Variants in SMG1 observed in about 807,000 individuals in gnomAD.
SMG1 encodes the protein SMG1 nonsense mediated mRNA decay associated PI3K related kinase, also known as serine/threonine-protein kinase SMG1.
A neutral mutation model predicts 419.9 loss-of-function variants in SMG1; 22 were observed. The ratio of observed to expected loss-of-function variants is 0.05; its 90% CI spans 0.04 to 0.07. SMG1 has a LOEUF of 0.07. SMG1 is among the 10% of genes least tolerant of loss of function. The pLI is 1.00. For synonymous variants in SMG1, 1,538 were observed against 1,553.5 expected (o/e 0.99, Z 0.23); for missense variants, 3,185 against 4,342.0 (o/e 0.73, Z 7.49).
chr16:18,869,773 T>C (rs1319770114), intron 19 of SMG1, 81 bp downstream of exon 19: 29 of 1,220,522 alleles, frequency 2.4e-5, no homozygotes, highest in Non-Finnish European at 3.2e-5. Flanking sequence ...CCAAACATAT[T>C]TTCTCTTCAA....
At chr16:18,867,839 G>A (rs1006223092) in intron 22 of SMG1, among the ~76,000 whole-genome samples, 2 of 150,978 alleles carry the variant, frequency 1.3e-5, no homozygotes, top group African/African-American at 4.9e-5. Context: ...CTCCCGAGTA[G>A]CTGGGACTAC....
At chr16:18,906,200 C>G (rs1250905396) in intron 1 of SMG1, among the ~76,000 whole-genome samples, 1 of 152,052 alleles carries the variant, frequency 6.6e-6, no homozygotes, top group African/African-American at 2.4e-5. Context: ...AAAAAAGGTA[C>G]CAGCTGCGCA....
At chr16:18,810,147 A>G (rs2031246051) in intron 62 of SMG1, among the ~76,000 whole-genome samples, 1 of 152,166 alleles carries the variant, frequency 6.6e-6, no homozygotes, top group Non-Finnish European at 1.5e-5. Context: ...ATCCCACAGG[A>G]AAAAAATGTA....
chr16:18,819,480 T>C, intron 56 of SMG1, 22 bp downstream of exon 56: 3 of 1,605,982 alleles, frequency 1.9e-6, no homozygotes, highest in South Asian at 1.1e-5. Flanking sequence ...AATACAAAGA[T>C]GGTGCATGTA....
chr16:18,830,417 T>G, intron 51 of SMG1, 48 bp from the exon 52 acceptor site: 1 of 1,596,582 alleles, frequency 6.3e-7, no homozygotes. Flanking sequence ...AAGTAATGCC[T>G]TTGGTGGGAA....
rs1447076291 is a variant in SMG1, at chr16:18,856,356, A to T, written c.4235-1452T>A. 6 of 105,680 alleles carry T rather than the reference A, an allele frequency of 5.7e-5. No individual in the cohort carries two copies. The East Asian group carries it at 1.4e-3, about 24-fold the overall frequency. The allele number at this position is 105,680 out of a possible 1,614,324, so 6.5% of individuals were successfully genotyped here. ...TTTTTTTTTTTTTTTTTTTTTTTTG[A>T]AATAGAGTCTCACTCTGTTGCCCAG... On this transcript the variant is annotated intron_variant, in intron 29 of 62. Coordinates refer to ENST00000446231, the MANE Select transcript of SMG1 (RefSeq NM_015092.5).
Position 18,859,696 on chromosome 16 carries a change from T to C in SMG1, c.3813A>G (p.Lys1271=), listed in dbSNP as rs1159480691. The C allele has an allele frequency of 5.0e-6, 8 of 1,599,936 alleles. No individual in the cohort carries two copies. The South Asian group carries it at 6.8e-5, about 14-fold the overall frequency. Residue 1271 remains lysine, a synonymous_variant, in exon 27 of 63, where the codon AAA becomes AAG. Coordinates refer to ENST00000446231, the MANE Select transcript of SMG1 (RefSeq NM_015092.5). The part of the protein sequence containing the change: ...AGGSKEKIDM[K]KLLPNMLSPD... ...GACTTAACATGTTAGGAAGCAGTTT[T>C]TTCATGTCTACCAAAGTTAAATAAA...
chr16:18,833,266 C>T lies in SMG1; in HGVS notation c.8566-100G>A, dbSNP rs2033332239. 1.3e-5 allele frequency: 10 copies of T among 748,750 alleles called. 1 individual carries two copies. Among genetic ancestry groups the T allele is most frequent in the Middle Eastern group, 5.2e-4 (2 of 3,812 alleles). 46.4% of individuals were successfully genotyped at this position (748,750 alleles called of 1,614,324 possible). On this transcript the variant is annotated intron_variant, in intron 50 of 62. Coordinates refer to ENST00000446231, the MANE Select transcript of SMG1 (RefSeq NM_015092.5). ...ATACATTAAGAGCAAACTTATGTAA[C>T]TATGCCATCAACTCATTCATGTAAG...
At position 18,926,402 on chromosome 16, in the gene SMG1, G is replaced by C. The variant is rs1243852628; in HGVS notation, c.-361C>G. On this transcript the variant is annotated 5_prime_UTR_variant, in exon 1 of 63. Transcript: ENST00000446231. ...TGGCGGCAGCTCCTCACGCTCACAC[G>C]GCCACTGCTTCCCCGCCTCCCGGCT... 2 of 217,990 alleles carry C rather than the reference G, an allele frequency of 9.2e-6. No homozygotes were observed. The highest frequency in any genetic ancestry group is 1.8e-5 in the Non-Finnish European group (2 of 110,310). The allele number at this position is 217,990 out of a possible 1,614,324, so 13.5% of individuals were successfully genotyped here. A position where few individuals can be genotyped will look rare whatever the true frequency, so the allele number is the denominator to read the frequency against.
chr16:18,842,572 C>T, intron 39 of SMG1, 118 bp from the exon 40 acceptor site: 1 of 1,017,128 alleles, frequency 9.8e-7, no homozygotes. Context: ...TGCCTGTAAT[C>T]CCAGCACTTT....
chr16:18,924,175 C>A (rs1415370401), intron 1 of SMG1, among the ~76,000 whole-genome samples: 1 of 152,174 alleles, frequency 6.6e-6, no homozygotes, highest in Non-Finnish European at 1.5e-5. Context: ...TCCCCCATCG[C>A]CCCTCCCCAG....
At position 18,852,053 on chromosome 16, in the gene SMG1, C is replaced by G. The variant is rs746120644; in HGVS notation, c.5052+14G>C. 3 of 1,597,368 alleles carry G rather than the reference C, an allele frequency of 1.9e-6. No homozygotes were observed. The highest frequency in any genetic ancestry group is 3.6e-5 in the Admixed American group (2 of 56,312). On this transcript the variant is annotated intron_variant, in intron 33 of 62. Transcript: ENST00000446231. ...GGAGTAGCAATCTTGCCCCAAGCAC[C>G]ATGTTTTCCTTGCCTGAATCCCCGC...
intron 55 of SMG1, among the ~76,000 whole-genome samples, chr16:18,827,629 T>C (rs1307971788): frequency 1.4e-5 from 2 of 144,804 alleles, no homozygotes; most frequent in Admixed American, 1.4e-4. Flanking sequence ...TATATATTTT[T>C]ATATATATTT....
In SMG1 at chr16:18,819,494, C is replaced by G; in HGVS notation, c.9894+8G>C. The G allele has an allele frequency of 1.2e-6, 2 of 1,609,048 alleles. No homozygotes were observed. Among genetic ancestry groups the G allele is most frequent in the Non-Finnish European group, 1.7e-6 (2 of 1,177,468 alleles). Reference sequence around the variant, plus strand: ...GAATACAAAGATGGTGCATGTAAGTCACAATACCTGACTTGCTCTTTGGCT... The same window carrying G: ...GAATACAAAGATGGTGCATGTAAGTGACAATACCTGACTTGCTCTTTGGCT... On this transcript the variant is annotated splice_region_variant and intron_variant, in intron 56 of 62. Coordinates refer to ENST00000446231, the MANE Select transcript of SMG1 (RefSeq NM_015092.5).
In SMG1 at chr16:18,884,336, A is replaced by G. The variant is rs556364769; in HGVS notation, c.1022-169T>C. 1.4e-3 allele frequency among the ~76,000 whole-genome samples: 209 copies of G among 152,330 alleles called. 1 individual carries two copies. The highest frequency in any genetic ancestry group is 2.5e-3 in the Non-Finnish European group (167 of 68,026). On this transcript the variant is annotated intron_variant, in intron 8 of 62. Transcript: ENST00000446231. ...TAAGACTGTTAAACATGCTGATCAC[A>G]ATTAACCAATACCTCTTTAATTAAT...
At chr16:18,913,597 G>T (rs897538571) in intron 1 of SMG1, among the ~76,000 whole-genome samples, 5 of 151,694 alleles carry the variant, frequency 3.3e-5, no homozygotes, top group African/African-American at 1.2e-4. Flanking sequence ...CTTTTTTCTA[G>T]GCTATTAATA....
At chr16:18,895,095 G>A (rs1474893490) in intron 3 of SMG1, among the ~76,000 whole-genome samples, 1 of 152,134 alleles carries the variant, frequency 6.6e-6, no homozygotes, top group Non-Finnish European at 1.5e-5. Flanking sequence ...GGGATTACAG[G>A]CAGGAGCCAC....
chr16:18,811,734 T>C lies in SMG1; in HGVS notation c.10908+27A>G, dbSNP rs370258214. On this transcript the variant is annotated intron_variant, in intron 62 of 62. Transcript: ENST00000446231. Reference sequence around the variant, plus strand: ...CTACTTTTCCAGCAGCATTAAAATGTGTAGCCCAAGTTTAAAACACGGTCA... The same window carrying C: ...CTACTTTTCCAGCAGCATTAAAATGCGTAGCCCAAGTTTAAAACACGGTCA... 33 of 1,589,144 alleles carry C rather than the reference T, an allele frequency of 2.1e-5. No individual in the cohort carries two copies. The East Asian group carries it at 6.0e-4, about 29-fold the overall frequency.
chr16:18,863,590 A>G (rs1417224995), intron 25 of SMG1, 60 bp downstream of exon 25: 2 of 1,437,752 alleles, frequency 1.4e-6, no homozygotes, highest in East Asian at 4.5e-5. Context: ...TTTTCTTGCC[A>G]TAGGAAAAAC....
Sources: allele counts gnomAD v4.1 joint callset (sites outside exome capture counted in the v4.1 genomes callset), GRCh38; gene constraint gnomAD v4.1.1; transcripts MANE v1.5; gene names NCBI Gene and HGNC (gene_info 2026-07-23, HGNC 2026-07-21).